Variants in SPECC1L observed in about 807,000 individuals in gnomAD.
SPECC1L encodes the protein cytospin-A.
SPECC1L carries 40 observed loss-of-function variants against 116.8 expected under a neutral mutation model. That is an observed-to-expected ratio of 0.34 (90% CI 0.27 to 0.45). The LOEUF (loss-of-function observed/expected upper bound fraction) is 0.45. SPECC1L is among the 20% of genes least tolerant of loss of function. The pLI, the probability that SPECC1L is intolerant of heterozygous loss-of-function variation, is 1.00. For missense variants in SPECC1L, 1,110 were observed against 1,373.6 expected (o/e 0.81, Z 3.03); for synonymous variants, 504 against 500.6 (o/e 1.01, Z -0.09).
intron 2 of SPECC1L, among the ~76,000 whole-genome samples, chr22:24,281,096 GA>G (rs1442507531): frequency 6.6e-6 from 1 of 152,140 alleles, no homozygotes; most frequent in African/African-American, 2.4e-5. Flanking sequence ...TATGTAAGAG[GA>G]AACCATTTTT....
chr22:24,377,467 G>C (rs566887731), intron 14 of SPECC1L, among the ~76,000 whole-genome samples: 7 of 152,170 alleles, frequency 4.6e-5, no homozygotes, highest in African/African-American at 1.7e-4. Context: ...TTACATGGAC[G>C]TATGTAGTTT....
chr22:24,293,313 CGTG>C, intron 2 of SPECC1L, among the ~76,000 whole-genome samples: 1 of 152,122 alleles, frequency 6.6e-6, no homozygotes, highest in East Asian at 1.9e-4. Context: ...ATTAACGGGG[CGTG>C]GTGGTACGCA....
chr22:24,275,495 G>A (rs1360708844), intron 1 of SPECC1L, among the ~76,000 whole-genome samples: 1 of 151,672 alleles, frequency 6.6e-6, no homozygotes, highest in African/African-American at 2.4e-5. Context: ...CCAAATTGTG[G>A]AAGGAATGTA....
At chr22:24,318,205 C>T (rs1253892466) in intron 4 of SPECC1L, among the ~76,000 whole-genome samples, 4 of 152,218 alleles carry the variant, frequency 2.6e-5, no homozygotes, top group Non-Finnish European at 4.4e-5. Context: ...GTCGAGATCA[C>T]GCCACTGCAC....
chr22:24,335,979 T>A (rs970626136), intron 9 of SPECC1L, among the ~76,000 whole-genome samples: 1 of 152,128 alleles, frequency 6.6e-6, no homozygotes, highest in East Asian at 1.9e-4. Flanking sequence ...AAAACTCTTA[T>A]GTGTATGTAT....
At chr22:24,296,643 C>T (rs1361077501) in intron 2 of SPECC1L, among the ~76,000 whole-genome samples, 4 of 152,388 alleles carry the variant, frequency 2.6e-5, no homozygotes, top group African/African-American at 7.2e-5. Context: ...TGTGCTCCTT[C>T]GCTCCTCTGC....
intron 2 of SPECC1L, among the ~76,000 whole-genome samples, chr22:24,291,605 G>A (rs1344468082): frequency 2.0e-5 from 3 of 151,828 alleles, no homozygotes; most frequent in Non-Finnish European, 4.4e-5. Flanking sequence ...TAAGGCAGTA[G>A]TCATACATGG....
intron 3 of SPECC1L, among the ~76,000 whole-genome samples, chr22:24,305,143 A>G (rs2049466234): frequency 6.6e-6 from 1 of 152,230 alleles, no homozygotes; most frequent in Non-Finnish European, 1.5e-5. Flanking sequence ...TGGAAAATGC[A>G]GAGTTGTGTT....
intron 14 of SPECC1L, among the ~76,000 whole-genome samples, chr22:24,391,563 C>T (rs1179605072): frequency 1.3e-5 from 2 of 152,168 alleles, no homozygotes; most frequent in Non-Finnish European, 2.9e-5. Context: ...CAGCACCAGT[C>T]CTTAAATGCT....
chr22:24,414,258 C>T (rs868493514), intron 16 of SPECC1L, among the ~76,000 whole-genome samples: 2 of 152,302 alleles, frequency 1.3e-5, no homozygotes, highest in Non-Finnish European at 1.5e-5. Context: ...GAGGAAGTTC[C>T]TCCGCCCAGA....
At chr22:24,368,496 A>G (rs995607367) in intron 13 of SPECC1L, among the ~76,000 whole-genome samples, 1 of 152,232 alleles carries the variant, frequency 6.6e-6, no homozygotes, top group Non-Finnish European at 1.5e-5. Flanking sequence ...GTTTATTGCC[A>G]TCTTTTGTCT....
chr22:24,405,406 G>A (rs1027706949), intron 14 of SPECC1L, among the ~76,000 whole-genome samples: 2 of 151,894 alleles, frequency 1.3e-5, no homozygotes, highest in Middle Eastern at 3.4e-3. Context: ...TTGCGGCCAC[G>A]TCCCCAGGAG....
intron 6 of SPECC1L, among the ~76,000 whole-genome samples, chr22:24,327,407 CTAAG>C: frequency 6.6e-6 from 1 of 151,448 alleles, no homozygotes; most frequent in East Asian, 1.9e-4. Context: ...GATGAGCCAT[CTAAG>C]AAAGAAAGAA....
chr22:24,414,466 G>A (rs2042764371), intron 16 of SPECC1L, 68 bp from the exon 17 acceptor site: 1 of 1,309,560 alleles, frequency 7.6e-7, no homozygotes, highest in African/African-American at 1.4e-5. Flanking sequence ...ATGTTGCTAT[G>A]GCAGAGCCCA....
chr22:24,390,882 T>TC lies in SPECC1L; in HGVS notation c.3088-20706_3088-20705insC, dbSNP rs1569445787. Among the ~76,000 whole-genome samples, 114 of 119,752 alleles carry TC rather than the reference T, an allele frequency of 9.5e-4. 1 individual carries two copies. The highest frequency in any genetic ancestry group is 3.0e-3 in the African/African-American group (93 of 30,828). The allele number at this position is 119,752 out of a possible 152,430, so 78.6% of individuals were successfully genotyped here. ...TTTTTTTTTTCTTTTCTTTTTTTTT[T>TC]TTTTTTTTTTTTTTTTGAGTCAGAG... On this transcript the variant is annotated intron_variant, in intron 14 of 16. Transcript: ENST00000314328.
chr22:24,354,718 A>G (rs1048921233), intron 11 of SPECC1L, among the ~76,000 whole-genome samples: 2 of 151,074 alleles, frequency 1.3e-5, no homozygotes, highest in Admixed American at 6.6e-5. Flanking sequence ...CTGGAGTGCA[A>G]CGGTGTGATC....
At chr22:24,345,315 G>T (rs1176281661) in intron 10 of SPECC1L, among the ~76,000 whole-genome samples, 1 of 152,028 alleles carries the variant, frequency 6.6e-6, no homozygotes, top group Non-Finnish European at 1.5e-5. Context: ...ATTTGAAATG[G>T]ACTATCAACC....
chr22:24,385,113 A>T (rs1330413388), intron 14 of SPECC1L, among the ~76,000 whole-genome samples: 1 of 151,852 alleles, frequency 6.6e-6, no homozygotes, highest in Non-Finnish European at 1.5e-5. Context: ...TAAAAAATTT[A>T]AAAAATACTG....
At chr22:24,318,311 G>T (rs1342840173) in intron 4 of SPECC1L, among the ~76,000 whole-genome samples, 1 of 152,228 alleles carries the variant, frequency 6.6e-6, no homozygotes, top group Non-Finnish European at 1.5e-5. Flanking sequence ...TCGCGGTTAG[G>T]AGCTGGAGAC....
Sources: gnomAD v4.1 joint callset for allele counts (sites outside exome capture counted in the v4.1 genomes callset) on GRCh38, gnomAD v4.1.1 for gene constraint, MANE v1.5 for transcripts, NCBI Gene and HGNC (gene_info 2026-07-23, HGNC 2026-07-21) for gene names.